The following ZNF516 variants were observed in gnomAD, a reference collection of about 807,000 sequenced individuals.
The protein encoded by ZNF516 is zinc finger protein 516.
In ZNF516, 19 loss-of-function variants were observed where a neutral mutation model predicts 79.7. The ratio of observed to expected loss-of-function variants is 0.24; its 90% confidence interval spans 0.17 to 0.35. ZNF516 has a LOEUF of 0.35. Among genes scored for constraint, ZNF516 ranks in the 10% least tolerant of loss-of-function variants. The pLI is 1.00. For synonymous variants in ZNF516, 877 were observed against 739.5 expected (o/e 1.19, Z -3.02); for missense variants, 1,678 against 1,679.5 (o/e 1.00, Z 0.02).
At chr18:76,417,329 A>G (rs1421146159) in intron 3 of ZNF516, among the ~76,000 whole-genome samples, 1 of 152,194 alleles carries the variant, frequency 6.6e-6, no homozygotes, top group Non-Finnish European at 1.5e-5. Flanking sequence ...TAACCCATGA[A>G]AGCGTGGAAA....
rs1441900473 is a variant in ZNF516, at chr18:76,358,220, A to G, written c.*4278T>C. On this transcript the variant is annotated 3_prime_UTR_variant, in exon 7 of 7. Coordinates refer to ENST00000443185, the MANE Select transcript of ZNF516 (RefSeq NM_014643.4). Reference sequence around the variant, plus strand: ...ACTCCAAGATGTTTTTATTTATTTCAAATTCCAATAGAATGAATATGTTTT... The same window carrying G: ...ACTCCAAGATGTTTTTATTTATTTCGAATTCCAATAGAATGAATATGTTTT... The G allele has an allele frequency of 6.6e-6, 1 of 152,264 alleles. No homozygotes were observed. Among genetic ancestry groups the G allele is most frequent in the Non-Finnish European group, 1.5e-5 (1 of 68,054 alleles). The allele number at this position is 152,264 out of a possible 1,614,324, so 9.4% of individuals were successfully genotyped here.
chr18:76,423,747 C>T (rs1278782151), intron 3 of ZNF516, among the ~76,000 whole-genome samples: 8 of 142,740 alleles, frequency 5.6e-5, no homozygotes, highest in East Asian at 2.2e-4. Context: ...AACATACACA[C>T]GCAGGTGAAA....
chr18:76,432,905 C>T (rs2075681158), intron 3 of ZNF516, among the ~76,000 whole-genome samples: 1 of 152,232 alleles, frequency 6.6e-6, no homozygotes, highest in Non-Finnish European at 1.5e-5. Context: ...AACTCCAAGC[C>T]ATGGCTCTAA....
intron 3 of ZNF516, among the ~76,000 whole-genome samples, chr18:76,417,131 T>C (rs2075442626): frequency 6.6e-6 from 1 of 152,228 alleles, no homozygotes; most frequent in Non-Finnish European, 1.5e-5. Context: ...GCAAATGGTC[T>C]CAGTGAGATG....
chr18:76,475,315 G>T (rs1187388507), intron 1 of ZNF516, among the ~76,000 whole-genome samples: 3 of 152,036 alleles, frequency 2.0e-5, no homozygotes. Flanking sequence ...AAATGCAATG[G>T]TATTTTCCTC....
intron 4 of ZNF516, among the ~76,000 whole-genome samples, chr18:76,377,789 C>T (rs1026016686): frequency 6.7e-6 from 1 of 149,888 alleles, no homozygotes; most frequent in African/African-American, 2.5e-5. Context: ...GATCTCTACT[C>T]ACTGCAACCT....
At chr18:76,483,950 A>G (rs1036695632) in intron 1 of ZNF516, among the ~76,000 whole-genome samples, 2 of 152,154 alleles carry the variant, frequency 1.3e-5, no homozygotes, top group Non-Finnish European at 2.9e-5. Context: ...ATCCCCGTGG[A>G]AAGACGCAAA....
chr18:76,449,607 A>G (rs973040350), intron 2 of ZNF516, among the ~76,000 whole-genome samples: 2 of 152,264 alleles, frequency 1.3e-5, no homozygotes, highest in African/African-American at 2.4e-5. Flanking sequence ...TGTAAATGAT[A>G]GCAATGATAT....
intron 3 of ZNF516, among the ~76,000 whole-genome samples, chr18:76,380,859 T>C (rs924044783): frequency 1.4e-4 from 22 of 152,112 alleles, no homozygotes; most frequent in Non-Finnish European, 3.1e-4. Flanking sequence ...GCCTCAGCCA[T>C]AGGGCTCCCT....
chr18:76,480,494 TACACACAC>T (rs910430019), intron 1 of ZNF516, among the ~76,000 whole-genome samples: 57 of 131,150 alleles, frequency 4.3e-4, no homozygotes, highest in Non-Finnish European at 6.9e-4. Flanking sequence ...CATATACACA[TACACACAC>T]ACACACACAC....
Position 76,467,209 on chromosome 18 carries a change from GCCCCTCTGGGCTGGC to G in ZNF516, c.-271-4083_-271-4069del, listed in dbSNP as rs1243638086. Among the ~76,000 whole-genome samples the G allele has an allele frequency of 7.9e-4, 19 of 23,994 alleles. 1 individual carries two copies. The highest frequency in any genetic ancestry group is 1.8e-3 in the African/African-American group (17 of 9,262). The allele number at this position is 23,994 out of a possible 152,430, so 15.7% of individuals were successfully genotyped here. ...TGTCTCTCGGAACCTGCAGCTCACA[GCCCCTCTGGGCTGGC>G]AGGAAGTCCTGCGTGTCTCTCGGAA... On this transcript the variant is annotated intron_variant, in intron 1 of 6. Transcript: ENST00000443185. The surrounding 1 kb of genome is among the most constrained non-coding windows in gnomAD (Gnocchi z 4.2).
At chr18:76,433,348 C>T (rs775831831) in intron 3 of ZNF516, among the ~76,000 whole-genome samples, 4 of 152,178 alleles carry the variant, frequency 2.6e-5, no homozygotes, top group Admixed American at 6.5e-5. Flanking sequence ...GTGAGTCCTG[C>T]GGGGCCCTCA....
chr18:76,362,645 A>G, intron 6 of ZNF516, 88 bp from the exon 7 acceptor site: 1 of 1,302,108 alleles, frequency 7.7e-7, no homozygotes, highest in South Asian at 1.3e-5. Flanking sequence ...TTTCTAATCA[A>G]CATCCAAGAA....
chr18:76,447,894 A>AGT (rs1331579887), intron 2 of ZNF516, among the ~76,000 whole-genome samples: 1 of 151,874 alleles, frequency 6.6e-6, no homozygotes, highest in African/African-American at 2.4e-5. Context: ...AGTGTGTGTG[A>AGT]GTGTGTGTGT....
rs781018561 is a variant in ZNF516, at chr18:76,379,251, C to A, written c.2863G>T (p.Val955Phe). 2.5e-6 allele frequency: 4 copies of A among 1,612,446 alleles called. No individual in the cohort carries two copies. The highest frequency in any genetic ancestry group is 3.3e-5 in the Admixed American group (2 of 60,004). ...ANSKPVEKFG[V>F]PPAGAGFAPT... ...GCAAAGCCAGCCCCCGCTGGGGGGA[C>A]CCCAAACTTCTCCACAGGCTTGCTA... Residue 955 changes from valine (V) to phenylalanine (F), a missense_variant, in exon 4 of 7, where the codon GTC becomes TTC. Physicochemically the swap from Val to Phe is conservative, Grantham distance 50. This residue lies in a region of ZNF516 where 1,294 missense variants were observed against 1,248.3 expected (regional missense o/e 1.04). Transcript: ENST00000443185.
intron 1 of ZNF516, among the ~76,000 whole-genome samples, chr18:76,476,188 C>G (rs1362771299): frequency 6.6e-6 from 1 of 152,184 alleles, no homozygotes; most frequent in East Asian, 1.9e-4. Context: ...AAATTTGTGG[C>G]TGGAAAACCA....
chr18:76,366,791 T>A lies in ZNF516; in HGVS notation c.3432+3737A>T, dbSNP rs2074618392. On this transcript the variant is annotated intron_variant, in intron 6 of 6. Transcript: ENST00000443185. Reference sequence around the variant, plus strand: ...CTCTGTGGTGTATGTCCTAACTTGATTTCCACAGCAAGTATACAAAATAAG... The same window carrying A: ...CTCTGTGGTGTATGTCCTAACTTGAATTCCACAGCAAGTATACAAAATAAG... 2.0e-5 allele frequency among the ~76,000 whole-genome samples: 3 copies of A among 152,332 alleles called. No homozygotes were observed. In the South Asian group the frequency reaches 6.2e-4, roughly 32 times the overall value.
chr18:76,491,022 C>T (rs1915152369), intron 1 of ZNF516: 1 of 985,354 alleles, frequency 1.0e-6, no homozygotes. Context: ...CCACCGCCAA[C>T]TCCCACCCCA....
intron 6 of ZNF516, among the ~76,000 whole-genome samples, chr18:76,363,703 A>G (rs1360630628): frequency 6.6e-6 from 1 of 152,256 alleles, no homozygotes; most frequent in African/African-American, 2.4e-5. Context: ...CAGTGACGTC[A>G]GGCCGTGAAG....
Sources: allele counts gnomAD v4.1 joint callset (sites outside exome capture counted in the v4.1 genomes callset), GRCh38; gene constraint gnomAD v4.1.1; regional missense constraint gnomAD v4.1.1; non-coding constraint Gnocchi (gnomAD v3.1); transcripts MANE v1.5; gene names NCBI Gene and HGNC (gene_info 2026-07-23, HGNC 2026-07-21).